Variants in PKNOX2 observed in about 807,000 individuals in gnomAD.
The protein encoded by PKNOX2 is homeobox protein PKNOX2.
PKNOX2 carries 14 observed loss-of-function variants against 53.1 expected under a neutral mutation model. The ratio of observed to expected loss-of-function variants is 0.26; its 90% CI spans 0.17 to 0.41. PKNOX2 has a LOEUF of 0.41. Among genes scored for constraint, PKNOX2 ranks in the 10% least tolerant of loss-of-function variants. PKNOX2 has a pLI of 1.00. For missense variants in PKNOX2, 496 were observed against 602.8 expected (o/e 0.82, Z 1.85); for synonymous variants, 257 against 242.8 (o/e 1.06, Z -0.54).
intron 10 of PKNOX2, among the ~76,000 whole-genome samples, chr11:125,412,776 T>C (rs756921407): frequency 6.6e-6 from 1 of 152,142 alleles, no homozygotes; most frequent in Non-Finnish European, 1.5e-5. Flanking sequence ...TGAGGATCCA[T>C]TGGCTGGAGA....
chr11:125,383,097 C>A (rs1324705219), intron 5 of PKNOX2, among the ~76,000 whole-genome samples: 1 of 152,160 alleles, frequency 6.6e-6, no homozygotes, highest in Non-Finnish European at 1.5e-5. Flanking sequence ...CCCCACCACC[C>A]CTGAGTCTGA....
intron 12 of PKNOX2, among the ~76,000 whole-genome samples, chr11:125,430,808 A>G (rs1265327731): frequency 6.6e-6 from 1 of 151,858 alleles, no homozygotes; most frequent in African/African-American, 2.4e-5. Context: ...AGAAAATTCC[A>G]ACTCTGTCAT....
intron 1 of PKNOX2, among the ~76,000 whole-genome samples, chr11:125,204,476 A>C (rs1165692915): frequency 6.6e-6 from 1 of 152,192 alleles, no homozygotes; most frequent in African/African-American, 2.4e-5. Context: ...GTGCTCGCTC[A>C]GTAAAAAGTC....
Position 125,367,908 on chromosome 11 carries a change from T to C in PKNOX2, c.150T>C (p.Ala50=), listed in dbSNP as rs199784530. Reference sequence around the variant, plus strand: ...CTGTCCACATCTCTGCCCCCTCAGCTGCTGCCAGCACACCTGTGCCCAGTG... The same window carrying C: ...CTGTCCACATCTCTGCCCCCTCAGCCGCTGCCAGCACACCTGTGCCCAGTG... ...AQAVHISAPS[A]AASTPVPSAP... Residue 50 remains alanine (A), a synonymous_variant, in exon 5 of 13, where the codon GCT becomes GCC. Coordinates refer to ENST00000298282, the MANE Select transcript of PKNOX2 (RefSeq NM_001382323.2). The C allele has an allele frequency of 3.5e-4, 558 of 1,613,756 alleles. 5 individuals are homozygous for C. In the African/African-American group the frequency reaches 5.3e-3, roughly 15 times the overall value.
At chr11:125,272,947 C>CA (rs1945906305) in intron 2 of PKNOX2, among the ~76,000 whole-genome samples, 1 of 152,216 alleles carries the variant, frequency 6.6e-6, no homozygotes, top group African/African-American at 2.4e-5. Flanking sequence ...GAATGGCCTG[C>CA]AAGGGGAGGC....
chr11:125,223,047 T>C (rs1281459140), intron 1 of PKNOX2, among the ~76,000 whole-genome samples: 1 of 152,178 alleles, frequency 6.6e-6, no homozygotes, highest in Non-Finnish European at 1.5e-5. Context: ...GGTTTACTTC[T>C]TCAAGTACCC....
At chr11:125,198,677 C>T (rs1399402383) in intron 1 of PKNOX2, among the ~76,000 whole-genome samples, 1 of 152,078 alleles carries the variant, frequency 6.6e-6, no homozygotes, top group East Asian at 1.9e-4. Context: ...GTGGTCCCAA[C>T]ACTATAGATC....
At chr11:125,368,860 AGAG>A (rs1478946012) in intron 5 of PKNOX2, among the ~76,000 whole-genome samples, 1 of 152,164 alleles carries the variant, frequency 6.6e-6, no homozygotes, top group African/African-American at 2.4e-5. Flanking sequence ...ACCACTAAGA[AGAG>A]GTGCCCAAGT....
intron 1 of PKNOX2, among the ~76,000 whole-genome samples, chr11:125,228,697 GA>G (rs1289892298): frequency 6.6e-6 from 1 of 152,210 alleles, no homozygotes; most frequent in Non-Finnish European, 1.5e-5. Context: ...TGCATAGAGA[GA>G]AAAAACCCTC....
chr11:125,345,539 T>C (rs2136177022), intron 3 of PKNOX2, among the ~76,000 whole-genome samples: 1 of 152,234 alleles, frequency 6.6e-6, no homozygotes, highest in Admixed American at 6.5e-5. Context: ...TGCATGTGTG[T>C]GTTTCTATGT....
At chr11:125,260,790 TTA>T (rs1397788109) in intron 2 of PKNOX2, among the ~76,000 whole-genome samples, 1 of 152,136 alleles carries the variant, frequency 6.6e-6, no homozygotes, top group African/African-American at 2.4e-5. Context: ...GAGGACAACT[TTA>T]TGTTTTCCTG....
At chr11:125,239,338 G>A (rs12271670) in intron 2 of PKNOX2, among the ~76,000 whole-genome samples, 17,578 of 152,156 alleles carry the variant, frequency 0.12, 2,057 homozygotes, top group East Asian at 0.39. Context: ...GGGAATGCCC[G>A]CTTTCCAGAG....
chr11:125,426,716 G>A (rs1956446813), intron 10 of PKNOX2, among the ~76,000 whole-genome samples: 1 of 152,124 alleles, frequency 6.6e-6, no homozygotes, highest in South Asian at 2.1e-4. Context: ...TGGCCTCTTT[G>A]CCTGTCTGCA....
intron 1 of PKNOX2, among the ~76,000 whole-genome samples, chr11:125,189,420 T>TATA (rs1956675786): frequency 2.6e-5 from 1 of 37,922 alleles, no homozygotes; most frequent in Non-Finnish European, 5.5e-5. Context: ...TATATGTGTG[T>TATA]GTGTGTGTGT....
intron 4 of PKNOX2, 25 bp downstream of exon 4, chr11:125,351,417 C>T: frequency 6.8e-7 from 1 of 1,473,656 alleles, no homozygotes; most frequent in Non-Finnish European, 9.4e-7. Flanking sequence ...GCCGCTGCCT[C>T]CCACCACGGG....
rs138192838 is a variant in PKNOX2 at position 125,179,680 on chromosome 11, T to A, written c.-201+14904T>A. ...GCAGGGCTGCACCTGTGGGGAGAGG[T>A]GGGTAAACTGAGTCTGAGATTCTGA... On this transcript the variant is annotated intron_variant, in intron 1 of 12. Coordinates refer to ENST00000298282, the MANE Select transcript of PKNOX2 (RefSeq NM_001382323.2). 9.9e-5 allele frequency among the ~76,000 whole-genome samples: 15 copies of A among 151,398 alleles called. No individual in the cohort carries two copies. In the East Asian group the frequency reaches 2.7e-3, roughly 28 times the overall value.
At chr11:125,401,345 G>A (rs374986145) in intron 7 of PKNOX2, among the ~76,000 whole-genome samples, 11 of 152,200 alleles carry the variant, frequency 7.2e-5, no homozygotes, top group African/African-American at 2.7e-4. Flanking sequence ...CAATGCATGT[G>A]GCTCAGTGCG....
chr11:125,382,723 T>A (rs181404791), intron 5 of PKNOX2, among the ~76,000 whole-genome samples: 194 of 152,334 alleles, frequency 1.3e-3, no homozygotes, highest in African/African-American at 4.5e-3. Flanking sequence ...TAAACTGGGA[T>A]CAGGTTAGAT....
At chr11:125,334,773 A>T (rs1367352441) in intron 3 of PKNOX2, among the ~76,000 whole-genome samples, 3 of 145,224 alleles carry the variant, frequency 2.1e-5, no homozygotes, top group South Asian at 2.2e-4. Context: ...TGATTTTTGT[A>T]TTTTTTTTTT....
Sources: allele counts gnomAD v4.1 joint callset (sites outside exome capture counted in the v4.1 genomes callset), GRCh38; gene constraint gnomAD v4.1.1; transcripts MANE v1.5; gene names NCBI Gene and HGNC (gene_info 2026-07-23, HGNC 2026-07-21).